Variants in ALKBH3 observed in about 807,000 individuals in gnomAD.
ALKBH3 encodes the protein alkB homolog 3, alpha-ketoglutarate dependent dioxygenase, also known as alpha-ketoglutarate-dependent dioxygenase alkB homolog 3.
Under a neutral mutation model 43.9 loss-of-function variants are expected in ALKBH3, and 51 were observed. That is an observed-to-expected ratio of 1.16 (90% confidence interval 0.93 to 1.47). The LOEUF (loss-of-function observed/expected upper bound fraction) is 1.47, where lower values mean the gene tolerates loss of function less well. Ranked by LOEUF, ALKBH3 falls within the 40% of genes most tolerant of loss-of-function variation. ALKBH3 has a pLI of 0.00. For synonymous variants in ALKBH3, 102 were observed against 115.2 expected (o/e 0.89, Z 0.73); for missense variants, 361 against 351.9 (o/e 1.03, Z -0.21).
intron 8 of ALKBH3, chr11:43,916,757 A>G (rs1334034852): frequency 5.9e-5 from 9 of 152,168 alleles, no homozygotes. Context: ...CTGACTCCTA[A>G]GTGGAAACAG....
At chr11:43,907,870 G>A (rs553494750) in intron 8 of ALKBH3, among the ~76,000 whole-genome samples, 3 of 152,258 alleles carry the variant, frequency 2.0e-5, no homozygotes, top group African/African-American at 7.2e-5. Flanking sequence ...GCAGAAGAGT[G>A]ACACGGTCTG....
At chr11:43,898,058 A>T in intron 7 of ALKBH3, 1 of 974,970 alleles carries the variant, frequency 1.0e-6, no homozygotes, top group Non-Finnish European at 1.7e-6. Context: ...GTCATCCCAG[A>T]TGCTGTCCTC....
At chr11:43,883,057 T>C in intron 2 of ALKBH3, 28 bp from the exon 3 acceptor site, 1 of 1,592,830 alleles carries the variant, frequency 6.3e-7, no homozygotes, top group Non-Finnish European at 8.6e-7. Flanking sequence ...TTTCCCCTGG[T>C]TTGAGGCTGT....
chr11:43,913,769 A>G (rs1951960161), intron 8 of ALKBH3, among the ~76,000 whole-genome samples: 1 of 152,248 alleles, frequency 6.6e-6, no homozygotes, highest in Non-Finnish European at 1.5e-5. Flanking sequence ...CAAAGAAGGC[A>G]GTCATGTCAT....
chr11:43,919,989 C>T lies in ALKBH3; in HGVS notation c.840C>T (p.Asp280=). ...TGACCTTTCGGACAGTCTATCCAGA[C>T]CCTCGAGGGGCACCCTGGTGACGTC... The part of the protein sequence containing the change: ...VNLTFRTVYP[D]PRGAPW The change falls in exon 10 of 10, where the codon GAC becomes GAT. Residue 280 remains aspartate, a synonymous_variant. Transcript: ENST00000302708. 6.2e-7 allele frequency: 1 copy of T among 1,614,036 alleles called. No homozygotes were observed. The highest frequency in any genetic ancestry group is 8.5e-7 in the Non-Finnish European group (1 of 1,179,940).
At chr11:43,908,522 T>C (rs1489244278) in intron 8 of ALKBH3, among the ~76,000 whole-genome samples, 1 of 152,032 alleles carries the variant, frequency 6.6e-6, no homozygotes, top group Non-Finnish European at 1.5e-5. Flanking sequence ...GCACCTGAGA[T>C]AGAAGCTCTT....
At chr11:43,898,190 T>C in intron 7 of ALKBH3, 1 of 1,214,068 alleles carries the variant, frequency 8.2e-7, no homozygotes, top group Non-Finnish European at 1.2e-6. Flanking sequence ...TTGACTCCGC[T>C]GCAGGAGAGC....
chr11:43,908,145 A>G (rs1042603509), intron 8 of ALKBH3, among the ~76,000 whole-genome samples: 7 of 152,208 alleles, frequency 4.6e-5, no homozygotes, highest in African/African-American at 1.7e-4. Flanking sequence ...GAGAGCCATG[A>G]TCACCTTCCA....
intron 1 of ALKBH3, among the ~76,000 whole-genome samples, chr11:43,882,092 G>T (rs961267463): frequency 6.6e-6 from 1 of 152,166 alleles, no homozygotes; most frequent in Non-Finnish European, 1.5e-5. Flanking sequence ...TACACTGCTT[G>T]TTATAAAGAC....
chr11:43,895,808 C>T (rs776978435), intron 7 of ALKBH3, among the ~76,000 whole-genome samples: 2 of 152,134 alleles, frequency 1.3e-5, no homozygotes, highest in Non-Finnish European at 2.9e-5. Flanking sequence ...TCATTGTGTT[C>T]GTCATCATCA....
chr11:43,897,766 A>G (rs1365845624), intron 7 of ALKBH3: 29 of 803,352 alleles, frequency 3.6e-5, no homozygotes, highest in Middle Eastern at 4.4e-4. Flanking sequence ...ACATTTTCCA[A>G]TTGCTATACC....
In ALKBH3 at chr11:43,893,687, CT is replaced by C. The variant is rs533556714; in HGVS notation, c.459+1561del. Among the ~76,000 whole-genome samples the C allele has an allele frequency of 1.6e-3, 248 of 152,142 alleles. 1 individual carries two copies. The highest frequency in any genetic ancestry group is 2.9e-3 in the Admixed American group (45 of 15,282). On this transcript the variant is annotated intron_variant, in intron 7 of 9. Transcript: ENST00000302708. ...GTGGCTCATGTCTATAATCCCAACA[CT>C]TTGGGAGGTCAAGGTGGAAGGATTG...
At chr11:43,912,871 C>G (rs1392439176) in intron 8 of ALKBH3, among the ~76,000 whole-genome samples, 1 of 152,116 alleles carries the variant, frequency 6.6e-6, no homozygotes, top group Non-Finnish European at 1.5e-5. Context: ...ACATTGTCCA[C>G]TGAGAGACAG....
intron 3 of ALKBH3, 84 bp from the exon 4 acceptor site, chr11:43,883,899 G>C: frequency 1.3e-6 from 2 of 1,525,202 alleles, no homozygotes; most frequent in Non-Finnish European, 1.8e-6. Flanking sequence ...ACTTTATTTT[G>C]ACCAGAAATG....
Position 43,919,139 on chromosome 11 carries a change from G to T in ALKBH3, c.768+3G>T. ...GAGCGACACAAGCTGACTGGCAGGT[G>T]AGGATCTGCAAGTAATATGAATCTG... is the stretch of plus-strand genomic sequence containing the variant. On this transcript the variant is annotated splice_donor_region_variant and intron_variant, in intron 9 of 9. Transcript: ENST00000302708. 6.2e-7 allele frequency: 1 copy of T among 1,607,268 alleles called. No individual in the cohort carries two copies. The highest frequency in any genetic ancestry group is 8.5e-7 in the Non-Finnish European group (1 of 1,174,044).
Position 43,920,060 on chromosome 11 carries a change from C to A in ALKBH3, c.*50C>A. 1 of 1,521,996 alleles carries A rather than the reference C, an allele frequency of 6.6e-7. No homozygotes were observed. Among genetic ancestry groups the A allele is most frequent in the Non-Finnish European group, 9.1e-7 (1 of 1,098,712 alleles). The allele number at this position is 1,521,996 out of a possible 1,614,324, so 94.3% of individuals were successfully genotyped here. ...TCACTGAAACGGAGCAAACCTTCCACTGAGAAGCCACTTCAAGAGGCTGGT... is the reference window on the plus strand; with the variant it reads ...TCACTGAAACGGAGCAAACCTTCCAATGAGAAGCCACTTCAAGAGGCTGGT... On this transcript the variant is annotated 3_prime_UTR_variant, in exon 10 of 10. Transcript: ENST00000302708.
chr11:43,883,046 C>CT, intron 2 of ALKBH3, 39 bp from the exon 3 acceptor site: 1 of 1,560,860 alleles, frequency 6.4e-7, no homozygotes, highest in Non-Finnish European at 8.8e-7. Flanking sequence ...TGAGAACAGA[C>CT]TTTCCCCTGG....
rs776382218 is a variant in ALKBH3, at chr11:43,901,517, G to C, written c.461G>C (p.Trp154Ser). Residue 154 changes from tryptophan (W) to serine (S), a missense_variant and splice_region_variant, in exon 8 of 10, where the codon TGG becomes TCG. Trp to Ser is a radical substitution (Grantham distance 177). Coordinates refer to ENST00000302708, the MANE Select transcript of ALKBH3 (RefSeq NM_139178.4). ...SRITMEPNPH[W>S]HPVLRTLKNR... is the part of the protein sequence containing the mutation. Reference sequence around the variant, plus strand: ...CTTTTCTTGGTCTGTGGATTGCAGTGGCACCCTGTGCTGCGCACACTAAAG... The same window carrying C: ...CTTTTCTTGGTCTGTGGATTGCAGTCGCACCCTGTGCTGCGCACACTAAAG... 6.2e-7 allele frequency: 1 copy of C among 1,613,254 alleles called. No homozygotes were observed. The highest frequency in any genetic ancestry group is 8.5e-7 in the Non-Finnish European group (1 of 1,179,942).
chr11:43,913,275 G>C (rs998700262), intron 8 of ALKBH3, among the ~76,000 whole-genome samples: 16 of 151,866 alleles, frequency 1.1e-4, no homozygotes, highest in Non-Finnish European at 1.9e-4. Flanking sequence ...CGGGGGTTTG[G>C]TATACAGATT....
Sources: allele counts gnomAD v4.1 joint callset (sites outside exome capture counted in the v4.1 genomes callset), GRCh38; gene constraint gnomAD v4.1.1; transcripts MANE v1.5; gene names NCBI Gene and HGNC (gene_info 2026-07-23, HGNC 2026-07-21).